RGS7: variants seen among roughly 807,000 people sequenced by gnomAD.
The protein encoded by RGS7 is regulator of G protein signaling 7, also known as regulator of G-protein signaling 7.
A neutral mutation model predicts 81.1 loss-of-function variants in RGS7; 27 were observed. That is an observed-to-expected ratio of 0.33 (90% CI 0.25 to 0.46). The LOEUF is 0.46. Among genes scored for constraint, RGS7 ranks in the 20% least tolerant of loss-of-function variants. The pLI is 1.00. For missense variants in RGS7, 396 were observed against 607.4 expected, an observed-to-expected ratio of 0.65 and a Z score of 3.66; for synonymous variants, 208 against 207.7, an observed-to-expected ratio of 1.00 and a Z score of -0.01.
chr1:241,226,992 T>C (rs1443205211), intron 2 of RGS7, among the ~76,000 whole-genome samples: 1 of 152,204 alleles, frequency 6.6e-6, no homozygotes, highest in African/African-American at 2.4e-5. Context: ...TATAAAAATA[T>C]GTGTGGTTTT....
In RGS7 at chr1:240,887,854, T is replaced by C. The variant is rs140855801; in HGVS notation, c.386-17735A>G. On this transcript the variant is annotated intron_variant, in intron 6 of 18. Transcript: ENST00000440928. ...ATTCTTTCTGTTCCCTCATTCCTTT[T>C]ATTTGTGTTATCACTTATCTTGCTA... Among the ~76,000 whole-genome samples, 461 of 152,376 alleles carry C rather than the reference T, an allele frequency of 3.0e-3. 3 individuals are homozygous for C. The highest frequency in any genetic ancestry group is 0.011 in the African/African-American group (446 of 41,592).
intron 2 of RGS7, among the ~76,000 whole-genome samples, chr1:241,243,713 T>C (rs551783844): frequency 6.6e-6 from 1 of 152,286 alleles, no homozygotes; most frequent in Admixed American, 6.5e-5. Flanking sequence ...TTGGCCACAT[T>C]ATGTTTCAGA....
At chr1:241,143,454 T>C (rs1258801950) in intron 2 of RGS7, among the ~76,000 whole-genome samples, 2 of 152,164 alleles carry the variant, frequency 1.3e-5, no homozygotes, top group African/African-American at 2.4e-5. Context: ...GCAAGTCATG[T>C]CTTACATGGA....
chr1:240,832,637 T>A (rs1558322404), intron 9 of RGS7, among the ~76,000 whole-genome samples: 1 of 152,216 alleles, frequency 6.6e-6, no homozygotes, highest in African/African-American at 2.4e-5. Context: ...GGTACACTTG[T>A]GTTCAAGACA....
intron 3 of RGS7, among the ~76,000 whole-genome samples, chr1:241,037,599 C>A (rs917094234): frequency 6.6e-6 from 1 of 151,594 alleles, no homozygotes; most frequent in Non-Finnish European, 1.5e-5. Context: ...CAGGCCCTTG[C>A]AATCCCATCT....
chr1:240,973,513 GAA>G (rs34967473), intron 4 of RGS7, among the ~76,000 whole-genome samples: 2 of 147,432 alleles, frequency 1.4e-5, no homozygotes, highest in Non-Finnish European at 3.0e-5. Flanking sequence ...GACTCTCAAA[GAA>G]AAAAAAAAAT....
At chr1:240,787,256 TC>T (rs1685224679) in intron 18 of RGS7, among the ~76,000 whole-genome samples, 1 of 152,188 alleles carries the variant, frequency 6.6e-6, no homozygotes, top group African/African-American at 2.4e-5. Context: ...CCTAAGTCCC[TC>T]CCTCATTCTT....
chr1:241,174,568 A>G (rs575687152), intron 2 of RGS7, among the ~76,000 whole-genome samples: 3 of 152,190 alleles, frequency 2.0e-5, no homozygotes, highest in Non-Finnish European at 4.4e-5. Flanking sequence ...CTGGGCTGTG[A>G]GCTTTCTATG....
At chr1:241,113,793 C>A (rs190393221) in intron 2 of RGS7, among the ~76,000 whole-genome samples, 22 of 152,196 alleles carry the variant, frequency 1.4e-4, no homozygotes, top group Admixed American at 1.3e-3. Context: ...AGCATAAGTT[C>A]CCCTTCCTTC....
intron 2 of RGS7, among the ~76,000 whole-genome samples, chr1:241,208,698 C>G (rs890231035): frequency 1.3e-5 from 2 of 152,128 alleles, no homozygotes; most frequent in African/African-American, 2.4e-5. Flanking sequence ...TCCAAACATC[C>G]TCGGCAACAC....
At chr1:241,112,869 G>A (rs555376639) in intron 2 of RGS7, among the ~76,000 whole-genome samples, 8 of 152,218 alleles carry the variant, frequency 5.3e-5, no homozygotes, top group Admixed American at 2.6e-4. Flanking sequence ...CTAACCCACC[G>A]AACAATTAGT....
chr1:240,806,542 T>A (rs1228348576), intron 14 of RGS7, among the ~76,000 whole-genome samples: 1 of 148,192 alleles, frequency 6.7e-6, no homozygotes, highest in Non-Finnish European at 1.5e-5. Flanking sequence ...ATAAAAATAT[T>A]AATAAAAATA....
At chr1:241,262,548 G>C (rs895146792) in intron 2 of RGS7, among the ~76,000 whole-genome samples, 4 of 152,318 alleles carry the variant, frequency 2.6e-5, no homozygotes, top group African/African-American at 7.2e-5. Flanking sequence ...GAGCTTTGAA[G>C]CAAAATGGAA....
intron 2 of RGS7, among the ~76,000 whole-genome samples, chr1:241,324,163 G>A (rs922235963): frequency 6.6e-6 from 1 of 152,050 alleles, no homozygotes; most frequent in South Asian, 2.1e-4. Context: ...TTTTCCACAC[G>A]GGCATAGTAG....
rs867826179 is a variant in RGS7, at chr1:241,144,965, T to G, written c.79-46203A>C. ...TGTGTGTGTGTGTGTGTGTGTGTGT[T>G]CGTGTTCATTCTTCCTGTTCCTGTT... On this transcript the variant is annotated intron_variant, in intron 2 of 18. Transcript: ENST00000440928. This position sits in a 1 kb window ranked among gnomAD's most constrained non-coding sequence, Gnocchi z 4.7. Among the ~76,000 whole-genome samples the G allele has an allele frequency of 2.7e-3, 343 of 124,980 alleles. 8 individuals are homozygous for G. The East Asian group carries it at 0.062, about 23-fold the overall frequency. 82.0% of individuals were successfully genotyped at this position (124,980 alleles called of 152,430 possible). A position where few individuals can be genotyped will look rare whatever the true frequency, so the allele number is the denominator to read the frequency against.
chr1:241,060,197 A>C (rs747858695), intron 3 of RGS7, among the ~76,000 whole-genome samples: 16 of 152,240 alleles, frequency 1.1e-4, no homozygotes, highest in Non-Finnish European at 1.9e-4. Context: ...AGGCTGATAG[A>C]GAAAATATCT....
At chr1:241,120,340 T>G (rs1193914490) in intron 2 of RGS7, among the ~76,000 whole-genome samples, 1 of 152,134 alleles carries the variant, frequency 6.6e-6, no homozygotes, top group Admixed American at 6.6e-5. Context: ...TAATGTTGTA[T>G]TTGTAATTTT....
chr1:241,312,076 C>T (rs1411025508), intron 2 of RGS7, among the ~76,000 whole-genome samples: 1 of 152,184 alleles, frequency 6.6e-6, no homozygotes, highest in Non-Finnish European at 1.5e-5. Context: ...AAATTAAGAT[C>T]AATAACCAGT....
intron 10 of RGS7, among the ~76,000 whole-genome samples, chr1:240,825,853 G>A (rs1217533561): frequency 6.6e-6 from 1 of 152,170 alleles, no homozygotes; most frequent in East Asian, 1.9e-4. Flanking sequence ...GTGTCTAGGT[G>A]CTATCTTGTT....
Sources: allele counts gnomAD v4.1 joint callset (sites outside exome capture counted in the v4.1 genomes callset), GRCh38; gene constraint gnomAD v4.1.1; non-coding constraint Gnocchi (gnomAD v3.1); transcripts MANE v1.5; gene names NCBI Gene and HGNC (gene_info 2026-07-23, HGNC 2026-07-21).